Variants in VPS50 observed in about 807,000 individuals in gnomAD.
VPS50 encodes the protein VPS50 subunit of EARP/GARPII complex.
VPS50 carries 70 observed loss-of-function variants against 139.7 expected under a neutral mutation model. The ratio of observed to expected loss-of-function variants is 0.50; its 90% CI spans 0.41 to 0.61. The LOEUF (loss-of-function observed/expected upper bound fraction) is 0.61, where lower values mean the gene tolerates loss of function less well. Ranked by LOEUF, VPS50 falls within the 20% of genes least tolerant of loss-of-function variation. The probability of loss-of-function intolerance (pLI) is 0.00; values close to 1 mark genes in which losing one functional copy is unlikely to be tolerated. For missense variants in VPS50, 921 were observed against 1,133.7 expected (o/e 0.81, Z 2.69); for synonymous variants, 365 against 376.7 (o/e 0.97, Z 0.36).
In VPS50 at chr7:93,276,276, C is replaced by A. The variant is rs1796150008; in HGVS notation, c.913C>A (p.Gln305Lys). 1.9e-6 allele frequency: 3 copies of A among 1,613,434 alleles called. No individual in the cohort carries two copies. Among genetic ancestry groups the A allele is most frequent in the Non-Finnish European group, 2.5e-6 (3 of 1,179,546 alleles). ...LCAGNTDTKF[Q>K]KLQYKDLCTH... ...TGCAGGAAACACAGACACAAAATTCCAAAAGCTGCAATATAAGGATCTCTG... is the reference window on the plus strand; with the variant it reads ...TGCAGGAAACACAGACACAAAATTCAAAAAGCTGCAATATAAGGATCTCTG... The change falls in exon 12 of 28, where the codon CAA becomes AAA. Residue 305 changes from glutamine (Q) to lysine (K), a missense_variant. Coordinates refer to ENST00000305866, the MANE Select transcript of VPS50 (RefSeq NM_017667.4).
intron 2 of VPS50, among the ~76,000 whole-genome samples, chr7:93,240,778 G>A (rs1254419516): frequency 6.6e-6 from 1 of 152,066 alleles, no homozygotes; most frequent in African/African-American, 2.4e-5. Context: ...CTTACACCTC[G>A]GTGTCAGCTC....
intron 12 of VPS50, among the ~76,000 whole-genome samples, chr7:93,287,896 G>A (rs554434732): frequency 6.6e-6 from 1 of 152,170 alleles, no homozygotes; most frequent in South Asian, 2.1e-4. Flanking sequence ...ATAATTTTGT[G>A]CTAAAAATAA....
intron 4 of VPS50, 91 bp downstream of exon 4, chr7:93,254,022 T>C: frequency 1.7e-6 from 1 of 593,328 alleles, no homozygotes. Flanking sequence ...TGGTTTTAAC[T>C]AACAATTAAC....
At chr7:93,267,029 T>C (rs1290516543) in intron 9 of VPS50, among the ~76,000 whole-genome samples, 2 of 152,200 alleles carry the variant, frequency 1.3e-5, no homozygotes, top group Non-Finnish European at 2.9e-5. Context: ...TACTTACCTT[T>C]AATAACAGCC....
At chr7:93,326,374 C>A (rs1247376027) in intron 21 of VPS50, among the ~76,000 whole-genome samples, 1 of 148,244 alleles carries the variant, frequency 6.7e-6, no homozygotes, top group Non-Finnish European at 1.5e-5. Context: ...GTGCAGCACA[C>A]CAGCATGGCA....
rs778237911 is a variant in VPS50 at position 93,306,016 on chromosome 7, A to G, written c.1629+12A>G. The G allele has an allele frequency of 6.9e-6, 11 of 1,596,756 alleles. No individual in the cohort carries two copies. The highest frequency in any genetic ancestry group is 9.4e-6 in the Non-Finnish European group (11 of 1,167,914). On this transcript the variant is annotated intron_variant, in intron 18 of 27. Coordinates refer to ENST00000305866, the MANE Select transcript of VPS50 (RefSeq NM_017667.4). Reference sequence around the variant, plus strand: ...TAGCTTCTAATGGGGTATGTGGTGTATGTGAAACATAAGTGAGTTTTTTTT... The same window carrying G: ...TAGCTTCTAATGGGGTATGTGGTGTGTGTGAAACATAAGTGAGTTTTTTTT...
chr7:93,234,319 G>A (rs983247462), intron 1 of VPS50, among the ~76,000 whole-genome samples: 2 of 152,156 alleles, frequency 1.3e-5, no homozygotes, highest in African/African-American at 2.4e-5. Flanking sequence ...TAATGCAATT[G>A]TGCTGAAAAT....
chr7:93,270,634 A>G (rs1168990992), intron 9 of VPS50, among the ~76,000 whole-genome samples: 1 of 151,910 alleles, frequency 6.6e-6, no homozygotes, highest in Non-Finnish European at 1.5e-5. Flanking sequence ...GTGTTGTTTC[A>G]GTAGATATTA....
At chr7:93,251,959 A>C (rs765210324) in intron 2 of VPS50, among the ~76,000 whole-genome samples, 11 of 152,178 alleles carry the variant, frequency 7.2e-5, no homozygotes, top group Non-Finnish European at 1.6e-4. Context: ...ATTGCATAGG[A>C]TAGGGATGCT....
intron 14 of VPS50, 86 bp from the exon 15 acceptor site, chr7:93,296,656 T>G: frequency 6.6e-7 from 1 of 1,519,116 alleles, no homozygotes; most frequent in Non-Finnish European, 8.7e-7. Context: ...TGTCTCATTT[T>G]AATCTGGAAC....
chr7:93,276,235 G>A lies in VPS50; in HGVS notation c.872G>A (p.Gly291Asp). The A allele has an allele frequency of 6.2e-7, 1 of 1,613,528 alleles. No homozygotes were observed. Among genetic ancestry groups the A allele is most frequent in the Non-Finnish European group, 8.5e-7 (1 of 1,179,700 alleles). ...AACACCGTGTTTCAAGTTGTTCTTG[G>A]TTATGTGGAACTATGTGCAGGAAAC... is the stretch of plus-strand genomic sequence containing the variant. ...IHNTVFQVVL[G>D]YVELCAGNTD... The change falls in exon 12 of 28, where the codon GGT (glycine) becomes GAT (aspartate). Residue 291 changes from glycine to aspartate, a missense_variant. Gly to Asp is a moderately conservative substitution (Grantham distance 94). Coordinates refer to ENST00000305866, the MANE Select transcript of VPS50 (RefSeq NM_017667.4).
At chr7:93,327,482 C>G (rs952376667) in intron 21 of VPS50, among the ~76,000 whole-genome samples, 3 of 151,934 alleles carry the variant, frequency 2.0e-5, no homozygotes, top group African/African-American at 4.8e-5. Flanking sequence ...TTACTAGTAC[C>G]CCAGAAATTT....
chr7:93,323,541 C>T (rs1797681286), intron 20 of VPS50, 70 bp from the exon 21 acceptor site: 1 of 527,586 alleles, frequency 1.9e-6, no homozygotes, highest in Middle Eastern at 6.0e-4. Flanking sequence ...ATTTTATTTT[C>T]TTTTTATAAT....
At chr7:93,258,058 G>T in intron 6 of VPS50, 101 bp from the exon 7 acceptor site, 1 of 621,574 alleles carries the variant, frequency 1.6e-6, no homozygotes. Flanking sequence ...GGTTTTAATA[G>T]TAATCCATTT....
Position 93,270,939 on chromosome 7 carries a change from GT to G in VPS50, c.660-278del. The G allele has an allele frequency of 1.1e-5, 3 of 273,336 alleles. No individual in the cohort carries two copies. The South Asian group carries it at 2.2e-4, about 20-fold the overall frequency. The allele number at this position is 273,336 out of a possible 1,614,324, so 16.9% of individuals were successfully genotyped here. On this transcript the variant is annotated intron_variant, in intron 9 of 27. Coordinates refer to ENST00000305866, the MANE Select transcript of VPS50 (RefSeq NM_017667.4). ...CAAACATTGTTTATATAGACACACT[GT>G]TTATGTAAAAGTTACCAATTTTAAT...
At chr7:93,273,206 C>T (rs1315607045) in intron 11 of VPS50, 2 of 152,040 alleles carry the variant, frequency 1.3e-5, no homozygotes, top group African/African-American at 4.8e-5. Context: ...TCAGAGGGTC[C>T]TTTTATCCCC....
chr7:93,265,781 G>A (rs1310280527), intron 9 of VPS50, among the ~76,000 whole-genome samples: 7 of 152,010 alleles, frequency 4.6e-5, no homozygotes, highest in Admixed American at 1.3e-4. Context: ...TAGCCAGGCT[G>A]GTCTCAAACT....
At chr7:93,254,642 T>C (rs983890466) in intron 4 of VPS50, among the ~76,000 whole-genome samples, 25 of 152,202 alleles carry the variant, frequency 1.6e-4, no homozygotes, top group African/African-American at 5.8e-4. Context: ...CTAATTATGA[T>C]GTTGAGTAAA....
At chr7:93,240,559 T>A (rs1436637350) in intron 2 of VPS50, among the ~76,000 whole-genome samples, 1 of 152,188 alleles carries the variant, frequency 6.6e-6, no homozygotes, top group African/African-American at 2.4e-5. Context: ...TATTAAGTAT[T>A]GTTAAATCCC....
Sources: allele counts gnomAD v4.1 joint callset (sites outside exome capture counted in the v4.1 genomes callset), GRCh38; gene constraint gnomAD v4.1.1; transcripts MANE v1.5; gene names NCBI Gene and HGNC (gene_info 2026-07-23, HGNC 2026-07-21).